The following DNAH2 variants were observed in gnomAD, a reference collection of about 807,000 sequenced individuals.
The protein encoded by DNAH2 is axonemal beta dynein heavy chain 2.
A neutral mutation model predicts 523.5 loss-of-function variants in DNAH2; 323 were observed. The ratio of observed to expected loss-of-function variants is 0.62; its 90% CI spans 0.56 to 0.68. DNAH2 has a LOEUF of 0.68. DNAH2 is among the 30% of genes least tolerant of loss of function. DNAH2 has a pLI of 0.00. For synonymous variants in DNAH2, 2,093 were observed against 2,177.4 expected (o/e 0.96, Z 1.08); for missense variants, 4,907 against 5,701.5 (o/e 0.86, Z 4.49).
chr17:7,778,413 T>G lies in DNAH2; in HGVS notation c.5485T>G (p.Cys1829Gly), dbSNP rs199632792. Residue 1829 changes from cysteine (C) to glycine (G), a missense_variant, in exon 35 of 86, where the codon TGC (cysteine) becomes GGC (glycine). Around this residue, in one of 3 missense-constraint regions of DNAH2, gnomAD observed 2,806 missense variants for 3,190.8 expected, o/e 0.88. Transcript: ENST00000572933. The part of the protein sequence containing the change: ...ALGIYVIVVN[C>G]SEGLDYKSMG... ...GGGCATATATGTCATTGTGGTCAAC[T>G]GCTCTGAGGGCCTGGACTACAAGTC... 473 of 1,614,228 alleles carry G rather than the reference T, an allele frequency of 2.9e-4. 4 individuals are homozygous for G. The East Asian group carries it at 9.1e-3, about 31-fold the overall frequency.
intron 63 of DNAH2, among the ~76,000 whole-genome samples, chr17:7,810,195 C>G (rs528050735): frequency 2.9e-4 from 44 of 151,766 alleles, no homozygotes; most frequent in African/African-American, 1.0e-3. Context: ...TCCTGAGTAG[C>G]TGGGCCTACA....
At chr17:7,775,994 G>A in intron 30 of DNAH2, 30 bp from the exon 31 acceptor site, 1 of 1,612,212 alleles carries the variant, frequency 6.2e-7, no homozygotes. Context: ...CCCTCAGGCT[G>A]AGCTGCCCTA....
chr17:7,759,397 C>CT (rs765003043), intron 15 of DNAH2, 25 bp from the exon 16 acceptor site: 124 of 1,586,168 alleles, frequency 7.8e-5, no homozygotes, highest in Non-Finnish European at 1.0e-4. Context: ...GAAAAGTTCT[C>CT]TTTTTCCTCC....
In DNAH2 at chr17:7,781,177, C is replaced by A; in HGVS notation, c.6129+10C>A. 6.2e-7 allele frequency: 1 copy of A among 1,614,080 alleles called. No individual in the cohort carries two copies. Among genetic ancestry groups the A allele is most frequent in the South Asian group, 1.1e-5 (1 of 91,068 alleles). ...CATTGACTATGGCAAGGTATTTGTTCCTTAATACTCTCCCTGACCGGGTGC... is the reference window on the plus strand; with the variant it reads ...CATTGACTATGGCAAGGTATTTGTTACTTAATACTCTCCCTGACCGGGTGC... On this transcript the variant is annotated intron_variant, in intron 39 of 85. Transcript: ENST00000572933.
intron 7 of DNAH2, among the ~76,000 whole-genome samples, chr17:7,734,916 A>G (rs189025159): frequency 4.6e-5 from 7 of 151,956 alleles, no homozygotes; most frequent in Admixed American, 4.6e-4. Flanking sequence ...ACCAATAAAT[A>G]TACATCAAGT....
At chr17:7,739,177 G>A (rs1023616276) in intron 8 of DNAH2, among the ~76,000 whole-genome samples, 1 of 152,140 alleles carries the variant, frequency 6.6e-6, no homozygotes, top group Non-Finnish European at 1.5e-5. Context: ...AGGCTGAGGC[G>A]GGCAGATCAC....
At chr17:7,766,177 A>G in intron 21 of DNAH2, 141 bp from the exon 22 acceptor site, 1 of 830,666 alleles carries the variant, frequency 1.2e-6, no homozygotes, top group South Asian at 1.9e-5. Context: ...TATTCTTTCA[A>G]CGCGTTCCCT....
At chr17:7,805,958 T>C (rs2077355992) in intron 61 of DNAH2, among the ~76,000 whole-genome samples, 1 of 152,232 alleles carries the variant, frequency 6.6e-6, no homozygotes, top group African/African-American at 2.4e-5. Flanking sequence ...ACTACATTTC[T>C]GATTGCTTTT....
intron 29 of DNAH2, 74 bp from the exon 30 acceptor site, chr17:7,775,166 CA>C: frequency 6.7e-7 from 1 of 1,488,714 alleles, no homozygotes; most frequent in Non-Finnish European, 9.2e-7. Flanking sequence ...TAATTATCCT[CA>C]AAAGGCCCCA....
intron 11 of DNAH2, among the ~76,000 whole-genome samples, chr17:7,742,060 T>G (rs548368252): frequency 6.6e-6 from 1 of 152,270 alleles, no homozygotes; most frequent in South Asian, 2.1e-4. Context: ...TCCAGAGACC[T>G]GGACAGGTGA....
At position 7,739,752 on chromosome 17, in the gene DNAH2, A is replaced by C. The variant is rs2075251882; in HGVS notation, c.1190A>C (p.His397Pro). ...LFRKVCDCQY[H>P]FARWEDGKQG... Reference sequence around the variant, plus strand: ...TTTTAGGTATGTGACTGTCAGTATCACTTCGCCCGCTGGGAAGATGGCAAG... The same window carrying C: ...TTTTAGGTATGTGACTGTCAGTATCCCTTCGCCCGCTGGGAAGATGGCAAG... The change falls in exon 9 of 86, where the codon CAC (histidine) becomes CCC (proline). Residue 397 changes from histidine to proline, a missense_variant. Around this residue, in one of 3 missense-constraint regions of DNAH2, gnomAD observed 2,806 missense variants for 3,190.8 expected, o/e 0.88. Transcript: ENST00000572933. 6.2e-7 allele frequency: 1 copy of C among 1,613,028 alleles called. No homozygotes were observed. The highest frequency in any genetic ancestry group is 8.5e-7 in the Non-Finnish European group (1 of 1,179,968).
Position 7,780,907 on chromosome 17 carries a change from C to CCCCGTGTTG in DNAH2, c.6003+130_6004-122dup. On this transcript the variant is annotated intron_variant, in intron 38 of 85. Transcript: ENST00000572933. The surrounding 1 kb of genome is among the most constrained non-coding windows in gnomAD (Gnocchi z 4.4). The stretch of plus-strand genomic sequence containing the variant: ...TTCTCACCTTCCCACCTCGTCCCAT[C>CCCCGTGTTG]CCCGTGTTGCCCGCTGCTTTGCTAA... 2 of 1,576,494 alleles carry CCCCGTGTTG rather than the reference C, an allele frequency of 1.3e-6. No individual in the cohort carries two copies. The highest frequency in any genetic ancestry group is 2.2e-5 in the East Asian group (1 of 44,590).
Position 7,747,423 on chromosome 17 carries a change from T to A in DNAH2, c.1904+4281T>A, listed in dbSNP as rs1256615217. On this transcript the variant is annotated intron_variant, in intron 12 of 85. Coordinates refer to ENST00000572933, the MANE Select transcript of DNAH2 (RefSeq NM_020877.5). ...AACCAGTCTACTATTGATGGACTTA[T>A]AAATTGTACAGTTTCTGTAAGGTTC... 2.6e-5 allele frequency among the ~76,000 whole-genome samples: 4 copies of A among 152,222 alleles called. No individual in the cohort carries two copies. In the East Asian group the frequency reaches 7.7e-4, roughly 29 times the overall value.
Position 7,758,696 on chromosome 17 carries a change from G to A in DNAH2, c.2208+45G>A, listed in dbSNP as rs78548702. On this transcript the variant is annotated intron_variant, in intron 14 of 85. Coordinates refer to ENST00000572933, the MANE Select transcript of DNAH2 (RefSeq NM_020877.5). ...CCCTAAAGGTCTGCAAGGCTGATGG[G>A]TCATTTATACCTGAGTGTTGCATAG... is the stretch of plus-strand genomic sequence containing the variant. 1.4e-3 allele frequency: 2,283 copies of A among 1,588,918 alleles called. 2 individuals carry two copies. Among genetic ancestry groups the A allele is most frequent in the Non-Finnish European group, 1.9e-3 (2,195 of 1,168,144 alleles).
At chr17:7,752,982 T>G (rs2075730988) in intron 12 of DNAH2, among the ~76,000 whole-genome samples, 1 of 152,210 alleles carries the variant, frequency 6.6e-6, no homozygotes, top group Non-Finnish European at 1.5e-5. Flanking sequence ...AACAATTGCC[T>G]GGAGCGTGGA....
Position 7,758,923 on chromosome 17 carries a change from G to C in DNAH2, c.2247G>C (p.Leu749=), listed in dbSNP as rs752495957. 44 of 1,614,050 alleles carry C rather than the reference G, an allele frequency of 2.7e-5. 1 individual carries two copies. The South Asian group carries it at 3.5e-4, about 13-fold the overall frequency. The change falls in exon 15 of 86, where the codon CTG becomes CTC. Residue 749 remains leucine, a synonymous_variant. Transcript: ENST00000572933. ...TGAATGAGTTCAAGGCATCCACTCT[G>C]ACCATTGGCTGGCGAGCCCAAGAGA... ...MIVNEFKAST[L]TIGWRAQEMS...
At chr17:7,730,155 C>T (rs1309373203) in intron 4 of DNAH2, among the ~76,000 whole-genome samples, 1 of 150,802 alleles carries the variant, frequency 6.6e-6, no homozygotes, top group Admixed American at 6.6e-5. Flanking sequence ...AAGCTGAGCC[C>T]TGAAATGATA....
intron 72 of DNAH2, among the ~76,000 whole-genome samples, chr17:7,820,899 C>T (rs994678866): frequency 2.6e-5 from 4 of 152,000 alleles, no homozygotes; most frequent in African/African-American, 9.7e-5. Context: ...ATTAGCCAGG[C>T]GTGGTGATGG....
Position 7,788,217 on chromosome 17 carries a change from C to T in DNAH2, c.6873C>T (p.Tyr2291=). The change falls in exon 44 of 86, where the codon TAC becomes TAT. Residue 2291 remains tyrosine, a synonymous_variant. Transcript: ENST00000572933. ...YSGITSLCKL[Y]SALATPENGV... is the part of the protein sequence containing the mutation. ...GTATCACCTCCCTCTGCAAGCTGTA[C>T]TCTGCCCTGGCCACGCCAGAGAATG... The T allele has an allele frequency of 1.2e-6, 2 of 1,602,232 alleles. No homozygotes were observed. Among genetic ancestry groups the T allele is most frequent in the Non-Finnish European group, 1.7e-6 (2 of 1,174,408 alleles).
Sources: allele counts gnomAD v4.1 joint callset (sites outside exome capture counted in the v4.1 genomes callset), GRCh38; gene constraint gnomAD v4.1.1; regional missense constraint gnomAD v4.1.1; non-coding constraint Gnocchi (gnomAD v3.1); transcripts MANE v1.5; gene names NCBI Gene and HGNC (gene_info 2026-07-23, HGNC 2026-07-21).